The following DOCK4 variants were observed in gnomAD, a reference collection of about 807,000 sequenced individuals.
The protein encoded by DOCK4 is dedicator of cytokinesis 4.
In DOCK4, 97 loss-of-function variants were observed where a neutral mutation model predicts 268.1. That is an observed-to-expected ratio of 0.36 (90% CI 0.31 to 0.43). The LOEUF (loss-of-function observed/expected upper bound fraction) is 0.43, where lower values mean the gene tolerates loss of function less well. DOCK4 is among the 20% of genes least tolerant of loss of function. The pLI, the probability that DOCK4 is intolerant of heterozygous loss-of-function variation, is 1.00. For synonymous variants in DOCK4, 954 were observed against 887.2 expected (o/e 1.08, Z -1.34); for missense variants, 2,145 against 2,455.7 (o/e 0.87, Z 2.67).
chr7:111,969,431 AT>A (rs1198835672), intron 8 of DOCK4, among the ~76,000 whole-genome samples: 66 of 133,832 alleles, frequency 4.9e-4, no homozygotes, highest in African/African-American at 2.2e-3. Flanking sequence ...CATTTTTTCT[AT>A]TAAAAAAACA....
chr7:111,933,211 C>CACATATATACGTATATAT (rs1794375097), intron 12 of DOCK4, among the ~76,000 whole-genome samples: 1 of 140,354 alleles, frequency 7.1e-6, no homozygotes, highest in Non-Finnish European at 1.5e-5. Context: ...TACGTATATA[C>CACATATATACGTATATAT]ACATATATAC....
chr7:111,736,218 C>T (rs1034316313), intron 50 of DOCK4, among the ~76,000 whole-genome samples: 13 of 152,236 alleles, frequency 8.5e-5, no homozygotes, highest in African/African-American at 2.2e-4. Flanking sequence ...ATTTCATTAA[C>T]GACTCTTGAT....
At chr7:111,985,346 A>G (rs1205439168) in intron 6 of DOCK4, among the ~76,000 whole-genome samples, 2 of 152,148 alleles carry the variant, frequency 1.3e-5, no homozygotes, top group Non-Finnish European at 2.9e-5. Context: ...ACCACATCCA[A>G]GGCCGAATGC....
At chr7:111,876,988 T>TC (rs1355005650) in intron 17 of DOCK4, 42 bp downstream of exon 17, 80 of 1,344,014 alleles carry the variant, frequency 6.0e-5, no homozygotes, top group Non-Finnish European at 7.2e-5. Flanking sequence ...ATATACATGA[T>TC]TATTAGGTAC....
intron 1 of DOCK4, among the ~76,000 whole-genome samples, chr7:112,196,366 A>C (rs1587030797): frequency 6.6e-6 from 1 of 152,112 alleles, no homozygotes; most frequent in Non-Finnish European, 1.5e-5. Context: ...GAAAAACTAC[A>C]CTATCCAGTA....
rs71524820 is a variant in DOCK4 at position 111,851,444 on chromosome 7, C to CAAA, written c.2474-4321_2474-4319dup. 5.4e-3 allele frequency among the ~76,000 whole-genome samples: 395 copies of CAAA among 72,978 alleles called. 4 individuals are homozygous for CAAA. The highest frequency in any genetic ancestry group is 0.013 in the African/African-American group (324 of 24,120). 47.9% of individuals were successfully genotyped at this position (72,978 alleles called of 152,430 possible). On this transcript the variant is annotated intron_variant, in intron 23 of 52. Transcript: ENST00000428084. Reference sequence around the variant, plus strand: ...TGGGAGACAGAGCAAGACTCCATCTCAAAAAAAAAAAAAAAAAAAAAATTT... The same window carrying CAAA: ...TGGGAGACAGAGCAAGACTCCATCTCAAAAAAAAAAAAAAAAAAAAAAAAATTT...
intron 49 of DOCK4, among the ~76,000 whole-genome samples, chr7:111,737,799 G>C (rs981697276): frequency 6.6e-6 from 1 of 152,154 alleles, no homozygotes; most frequent in Non-Finnish European, 1.5e-5. Context: ...ATGCTGACAA[G>C]AAGTTCTCCT....
intron 1 of DOCK4, among the ~76,000 whole-genome samples, chr7:112,066,242 G>C (rs547946149): frequency 1.3e-5 from 2 of 152,166 alleles, no homozygotes; most frequent in African/African-American, 2.4e-5. Context: ...GCAGAAGAAA[G>C]ACTATTTTGC....
chr7:112,019,316 T>C (rs2135402987), intron 1 of DOCK4, among the ~76,000 whole-genome samples: 1 of 152,314 alleles, frequency 6.6e-6, no homozygotes, highest in African/African-American at 2.4e-5. Context: ...TGTACCTGCA[T>C]GAAAGTACAT....
In DOCK4 at chr7:112,018,179, A is replaced by AACAC. The variant is rs796231667; in HGVS notation, c.38-14052_38-14049dup. On this transcript the variant is annotated intron_variant, in intron 1 of 52. Coordinates refer to ENST00000428084, the MANE Select transcript of DOCK4 (RefSeq NM_001363540.2). ...AAAAAAAAAAAAAAAAAAAAAAAAA[A>AACAC]ACACAGGCAACCAGTATTCATGTGG... is the stretch of plus-strand genomic sequence containing the variant. Among the ~76,000 whole-genome samples the AACAC allele has an allele frequency of 5.9e-4, 43 of 72,630 alleles. 10 individuals are homozygous for AACAC. Among genetic ancestry groups the AACAC allele is most frequent in the East Asian group, 1.6e-3 (4 of 2,480 alleles). The allele number at this position is 72,630 out of a possible 152,430, so 47.6% of individuals were successfully genotyped here. A position where few individuals can be genotyped will look rare whatever the true frequency, so the allele number is the denominator to read the frequency against.
Position 111,844,863 on chromosome 7 carries a change from A to C in DOCK4, c.2636T>G (p.Val879Gly), listed in dbSNP as rs1264420564. 6.2e-7 allele frequency: 1 copy of C among 1,613,304 alleles called. No individual in the cohort carries two copies. The highest frequency in any genetic ancestry group is 1.3e-5 in the African/African-American group (1 of 74,898). ...CAGCAGAATATCCAGCAAGCTGGCC[A>C]CTATCACATCTATTTCCTCCAGCAC... The part of the protein sequence containing the change: ...KSVLEEIDVI[V>G]ASLLDILLRT... Residue 879 changes from valine to glycine, a missense_variant, in exon 25 of 53, where the codon GTG (valine) becomes GGG (glycine). This residue lies in a region of DOCK4 where 1,598 missense variants were observed against 1,986.7 expected (regional missense o/e 0.80). Transcript: ENST00000428084.
At chr7:111,770,039 A>C (rs1798024068) in intron 36 of DOCK4, among the ~76,000 whole-genome samples, 1 of 152,010 alleles carries the variant, frequency 6.6e-6, no homozygotes, top group East Asian at 1.9e-4. Context: ...GTTTGCTGAG[A>C]GAGTTCACTA....
At chr7:112,048,312 G>A (rs1236441817) in intron 1 of DOCK4, among the ~76,000 whole-genome samples, 1 of 151,218 alleles carries the variant, frequency 6.6e-6, no homozygotes, top group Non-Finnish European at 1.5e-5. Flanking sequence ...GGGAGGCTGA[G>A]GCGGGTGGAC....
At chr7:112,032,307 G>A (rs552057194) in intron 1 of DOCK4, among the ~76,000 whole-genome samples, 1 of 152,304 alleles carries the variant, frequency 6.6e-6, no homozygotes, top group East Asian at 1.9e-4. Flanking sequence ...CAACTAAAAT[G>A]TTTGATAACT....
intron 51 of DOCK4, 91 bp from the exon 52 acceptor site, chr7:111,732,378 A>T (rs1795164507): frequency 7.4e-7 from 1 of 1,346,858 alleles, no homozygotes; most frequent in African/African-American, 1.4e-5. Context: ...ACCCAAACAG[A>T]TGATCCAGTG....
At chr7:112,096,775 G>T (rs1435469315) in intron 1 of DOCK4, among the ~76,000 whole-genome samples, 1 of 152,190 alleles carries the variant, frequency 6.6e-6, no homozygotes, top group Non-Finnish European at 1.5e-5. Context: ...GGTTAGTAAA[G>T]GTCCCAGTGA....
intron 25 of DOCK4, among the ~76,000 whole-genome samples, chr7:111,835,218 T>C (rs1803145410): frequency 6.6e-6 from 1 of 152,206 alleles, no homozygotes; most frequent in Non-Finnish European, 1.5e-5. Context: ...TGTAGCTTCA[T>C]GCTCCATTTT....
intron 1 of DOCK4, among the ~76,000 whole-genome samples, chr7:112,193,312 T>C (rs2116814431): frequency 6.6e-6 from 1 of 152,182 alleles, no homozygotes; most frequent in East Asian, 1.9e-4. Flanking sequence ...AAAATCTAAC[T>C]CAAATGGGTG....
chr7:111,960,697 C>T (rs1796808546), intron 8 of DOCK4, among the ~76,000 whole-genome samples: 1 of 151,958 alleles, frequency 6.6e-6, no homozygotes, highest in African/African-American at 2.4e-5. Flanking sequence ...AAAATTCCCT[C>T]CCCTAATCCC....
Sources: gnomAD v4.1 joint callset for allele counts (sites outside exome capture counted in the v4.1 genomes callset) on GRCh38, gnomAD v4.1.1 for gene constraint, gnomAD v4.1.1 regional missense constraint, MANE v1.5 for transcripts, NCBI Gene and HGNC (gene_info 2026-07-23, HGNC 2026-07-21) for gene names.